The following ICE1 variants were observed in gnomAD, a reference collection of about 807,000 sequenced individuals.
ICE1 encodes interactor of little elongation complex ELL subunit 1, also known as little elongation complex subunit 1.
ICE1 carries 64 observed loss-of-function variants against 192.7 expected under a neutral mutation model. The observed-to-expected ratio is 0.33, with a 90% CI of 0.27 to 0.41. The LOEUF (loss-of-function observed/expected upper bound fraction) is 0.41. Among genes scored for constraint, ICE1 ranks in the 10% least tolerant of loss-of-function variants. ICE1 has a pLI of 1.00. For synonymous variants in ICE1, 1,010 were observed against 984.5 expected, an observed-to-expected ratio of 1.03 and a Z score of -0.49; for missense variants, 2,708 against 2,696.0, an observed-to-expected ratio of 1.00 and a Z score of -0.10.
At chr5:5,457,259 T>C in intron 11 of ICE1, 73 bp from the exon 12 acceptor site, 1 of 1,381,980 alleles carries the variant, frequency 7.2e-7, no homozygotes, top group Non-Finnish European at 9.6e-7. Context: ...ATAAGGTTTC[T>C]TTCTTTCTTT....
intron 1 of ICE1, among the ~76,000 whole-genome samples, 155 bp downstream of exon 1, chr5:5,423,154 T>C (rs1201378381): frequency 9.2e-5 from 14 of 152,140 alleles, no homozygotes; most frequent in Admixed American, 9.2e-4. Flanking sequence ...CTGCTCTCTT[T>C]TTCCTACATG....
intron 1 of ICE1, among the ~76,000 whole-genome samples, chr5:5,427,539 A>G (rs1184008443): frequency 6.6e-6 from 1 of 152,140 alleles, no homozygotes; most frequent in Non-Finnish European, 1.5e-5. Context: ...ATGTATCTAG[A>G]TTAGATTCAG....
intron 15 of ICE1, among the ~76,000 whole-genome samples, chr5:5,469,545 C>T (rs552255851): frequency 1.4e-3 from 210 of 152,154 alleles, no homozygotes; most frequent in Middle Eastern, 3.4e-3. Flanking sequence ...GTCTAACTAC[C>T]GGTAGCGAAC....
chr5:5,443,791 G>A (rs1223981296), intron 6 of ICE1, among the ~76,000 whole-genome samples: 1 of 152,200 alleles, frequency 6.6e-6, no homozygotes, highest in Non-Finnish European at 1.5e-5. Context: ...TAAAACAGTT[G>A]AATGTAGATG....
chr5:5,461,212 T>C lies in ICE1; in HGVS notation c.1878T>C (p.Ile626=). ...GDGMDVAGLD[I]ETSFSSSSTL... ...GAATGGATGTAGCAGGGCTTGACATTGAAACCAGTTTTTCTTCCTCTTCTA... is the reference window on the plus strand; with the variant it reads ...GAATGGATGTAGCAGGGCTTGACATCGAAACCAGTTTTTCTTCCTCTTCTA... The change falls in exon 13 of 19, where the codon ATT becomes ATC. Residue 626 remains isoleucine (I), a synonymous_variant. Coordinates refer to ENST00000296564, the MANE Select transcript of ICE1 (RefSeq NM_015325.3). 6.2e-7 allele frequency: 1 copy of C among 1,614,004 alleles called. No homozygotes were observed. Among genetic ancestry groups the C allele is most frequent in the Non-Finnish European group, 8.5e-7 (1 of 1,179,884 alleles).
Position 5,473,638 on chromosome 5 carries a change from T to C in ICE1, c.6303T>C (p.Pro2101=). 1 of 1,613,630 alleles carries C rather than the reference T, an allele frequency of 6.2e-7. No individual in the cohort carries two copies. Among genetic ancestry groups the C allele is most frequent in the Middle Eastern group, 1.7e-4 (1 of 6,058 alleles). ...TATGTCCAAAAACAGAATTTCAACCTAGTGAAAAATTTGGTGAAGACCTAA... is the reference window on the plus strand; with the variant it reads ...TATGTCCAAAAACAGAATTTCAACCCAGTGAAAAATTTGGTGAAGACCTAA... ...IQLCPKTEFQ[P]SEKFGEDLSD... Residue 2101 remains proline, a synonymous_variant, in exon 16 of 19, where the codon CCT becomes CCC. Coordinates refer to ENST00000296564, the MANE Select transcript of ICE1 (RefSeq NM_015325.3).
rs536669401 is a variant in ICE1, at chr5:5,465,008, C to G, written c.5674C>G (p.Pro1892Ala). The G allele has an allele frequency of 4.5e-5, 72 of 1,613,780 alleles. No individual in the cohort carries two copies. The highest frequency in any genetic ancestry group is 5.3e-5 in the Non-Finnish European group (63 of 1,179,852). ...TTNEERSCSS[P>A]AVSAVSQLPL... ...AAATGAGGAAAGAAGTTGTTCTAGT[C>G]CAGCCGTCAGTGCAGTTTCACAGTT... is the stretch of plus-strand genomic sequence containing the variant. Residue 1892 changes from proline to alanine, a missense_variant, in exon 13 of 19, where the codon CCA becomes GCA. By Grantham distance (27) the Pro-to-Ala change is conservative. This residue lies in a region of ICE1 where 2,366 missense variants were observed against 2,276.6 expected (regional missense o/e 1.04). Transcript: ENST00000296564.
chr5:5,441,453 G>T (rs1738051718), intron 5 of ICE1, among the ~76,000 whole-genome samples: 2 of 152,072 alleles, frequency 1.3e-5, no homozygotes, highest in Non-Finnish European at 1.5e-5. Context: ...TTTTTGAGAG[G>T]GTCAGCAGAA....
At chr5:5,489,001 T>C in intron 18 of ICE1, 148 bp from the exon 19 acceptor site, 2 of 708,388 alleles carry the variant, frequency 2.8e-6, no homozygotes, top group Non-Finnish European at 4.5e-6. Flanking sequence ...CTTAAATGAA[T>C]TTTTTTACTG....
At chr5:5,437,765 A>C (rs1260479234) in intron 3 of ICE1, 1 of 152,180 alleles carries the variant, frequency 6.6e-6, no homozygotes, top group East Asian at 1.9e-4. Flanking sequence ...TGCTGTGGTA[A>C]TACCTTGATT....
intron 7 of ICE1, among the ~76,000 whole-genome samples, chr5:5,445,501 G>A (rs1167067241): frequency 2.6e-5 from 4 of 151,710 alleles, no homozygotes; most frequent in East Asian, 1.9e-4. Flanking sequence ...GTGCGATCTC[G>A]GCTCACTGCA....
intron 1 of ICE1, 117 bp downstream of exon 1, chr5:5,423,116 C>T (rs887189966): frequency 1.4e-4 from 73 of 508,300 alleles, no homozygotes; most frequent in Non-Finnish European, 2.1e-4. Context: ...TCTCCCTTCC[C>T]AACCGTAGCT....
intron 4 of ICE1, 116 bp from the exon 5 acceptor site, chr5:5,440,996 C>T (rs2111347488): frequency 1.6e-6 from 1 of 631,650 alleles, no homozygotes; most frequent in Non-Finnish European, 2.7e-6. Flanking sequence ...TTTAAAAAGA[C>T]TTTTTCATCC....
intron 12 of ICE1, among the ~76,000 whole-genome samples, chr5:5,460,233 A>G (rs1327983459): frequency 5.9e-5 from 9 of 152,140 alleles, no homozygotes; most frequent in African/African-American, 1.4e-4. Context: ...GGTGCTGGGC[A>G]CCCTTAAGGA....
chr5:5,441,018 C>A (rs1437278994), intron 4 of ICE1, 94 bp from the exon 5 acceptor site: 2 of 740,850 alleles, frequency 2.7e-6, no homozygotes, highest in Admixed American at 2.9e-5. Flanking sequence ...TTTTTTTGTT[C>A]CAAGTTAGCA....
intron 17 of ICE1, among the ~76,000 whole-genome samples, chr5:5,478,997 A>G (rs144674639): frequency 6.6e-6 from 1 of 152,326 alleles, no homozygotes; most frequent in Non-Finnish European, 1.5e-5. Flanking sequence ...TAAAAACCCT[A>G]AAAGAAAAAC....
At chr5:5,458,744 CAT>C (rs1738659634) in intron 12 of ICE1, among the ~76,000 whole-genome samples, 2 of 152,100 alleles carry the variant, frequency 1.3e-5, no homozygotes, top group Non-Finnish European at 2.9e-5. Context: ...AATCCAAAGA[CAT>C]AGACTGAAAG....
Position 5,462,780 on chromosome 5 carries a change from T to G in ICE1, c.3446T>G (p.Val1149Gly). Residue 1149 changes from valine (V) to glycine (G), a missense_variant, in exon 13 of 19, where the codon GTA (valine) becomes GGA (glycine). Coordinates refer to ENST00000296564, the MANE Select transcript of ICE1 (RefSeq NM_015325.3). ...GCCGAGGTGAGACCTTCCTTAGAGG[T>G]AGGTTATTTGACGTCAGCTCTGCAA... is the stretch of plus-strand genomic sequence containing the variant. ...AVAEVRPSLE[V>G]GYLTSALQDF... The G allele has an allele frequency of 1.2e-6, 2 of 1,613,482 alleles. No homozygotes were observed. The highest frequency in any genetic ancestry group is 1.7e-6 in the Non-Finnish European group (2 of 1,179,682).
Position 5,462,760 on chromosome 5 carries a change from G to C in ICE1, c.3426G>C (p.Glu1142Asp), listed in dbSNP as rs1561089894. Residue 1142 changes from glutamate (E) to aspartate (D), a missense_variant, in exon 13 of 19, where the codon GAG becomes GAC. By Grantham distance (45) the Glu-to-Asp change is conservative. Around this residue, in one of 2 missense-constraint regions of ICE1, gnomAD observed 2,366 missense variants for 2,276.6 expected, o/e 1.04. Transcript: ENST00000296564. ...NLGDTDAAVA[E>D]VRPSLEVGYL... ...GAGACACAGATGCTGCTGTAGCCGA[G>C]GTGAGACCTTCCTTAGAGGTAGGTT... 5 of 1,613,734 alleles carry C rather than the reference G, an allele frequency of 3.1e-6. No homozygotes were observed. Among genetic ancestry groups the C allele is most frequent in the Non-Finnish European group, 4.2e-6 (5 of 1,179,772 alleles).
Sources: gnomAD v4.1 joint callset for allele counts (sites outside exome capture counted in the v4.1 genomes callset) on GRCh38, gnomAD v4.1.1 for gene constraint, gnomAD v4.1.1 regional missense constraint, MANE v1.5 for transcripts, NCBI Gene and HGNC (gene_info 2026-07-23, HGNC 2026-07-21) for gene names.